The following SGCD variants were observed in gnomAD, a reference collection of about 807,000 sequenced individuals.
The protein encoded by SGCD is delta-sarcoglycan.
A neutral mutation model predicts 36.6 loss-of-function variants in SGCD; 18 were observed. That is an observed-to-expected ratio of 0.49 (90% CI 0.34 to 0.73). The LOEUF is 0.73. Among genes scored for constraint, SGCD ranks in the 30% least tolerant of loss-of-function variants. The pLI, the probability that SGCD is intolerant of heterozygous loss-of-function variation, is 0.01. For missense variants in SGCD, 387 were observed against 346.7 expected, an observed-to-expected ratio of 1.12 and a Z score of -0.92; for synonymous variants, 133 against 130.6, an observed-to-expected ratio of 1.02 and a Z score of -0.12.
chr5:156,141,802 G>C (rs1267264364), intron 3 of SGCD, among the ~76,000 whole-genome samples: 1 of 152,278 alleles, frequency 6.6e-6, no homozygotes, highest in South Asian at 2.1e-4. Context: ...AAGAAAATAG[G>C]AGCTTAAGAC....
At position 156,061,921 on chromosome 5, in the gene SGCD, T is replaced by A. The variant is rs1306161908; in HGVS notation, c.-281-55957T>A. On this transcript the variant is annotated intron_variant, in intron 1 of 9. Coordinates refer to the SGCD transcript ENST00000517913. ...GGTGATAATTCCAGGAGTTTTCACT[T>A]TTTTTTTTTTTTTTTTTTTTTTTAT... Among the ~76,000 whole-genome samples the A allele has an allele frequency of 5.0e-4, 47 of 93,528 alleles. 8 individuals are homozygous for A. The highest frequency in any genetic ancestry group is 3.0e-3 in the African/African-American group (47 of 15,466). The allele number at this position is 93,528 out of a possible 152,430, so 61.4% of individuals were successfully genotyped here.
At chr5:156,411,453 A>G (rs959553098) in intron 3 of SGCD, among the ~76,000 whole-genome samples, 13 of 152,194 alleles carry the variant, frequency 8.5e-5, no homozygotes, top group African/African-American at 3.1e-4. Flanking sequence ...CCCCCAAAGC[A>G]CTGAGAAATT....
At chr5:156,536,176 T>C (rs1758102018) in intron 4 of SGCD, among the ~76,000 whole-genome samples, 1 of 152,172 alleles carries the variant, frequency 6.6e-6, no homozygotes, top group African/African-American at 2.4e-5. Flanking sequence ...AGAAGGATAC[T>C]ATGTGATTTA....
At chr5:156,008,155 G>A (rs577827815) in intron 1 of SGCD, among the ~76,000 whole-genome samples, 176 of 152,250 alleles carry the variant, frequency 1.2e-3, no homozygotes, top group African/African-American at 4.0e-3. Context: ...GAAATTTATT[G>A]TCTCATAGAT....
At chr5:156,456,536 TAAGA>T (rs1157117250) in intron 3 of SGCD, among the ~76,000 whole-genome samples, 2 of 152,178 alleles carry the variant, frequency 1.3e-5, no homozygotes, top group African/African-American at 4.8e-5. Context: ...AAGAGATTTC[TAAGA>T]AAGAGTTTAG....
chr5:156,256,592 C>G (rs530921815), intron 3 of SGCD, among the ~76,000 whole-genome samples: 4 of 152,052 alleles, frequency 2.6e-5, no homozygotes, highest in Non-Finnish European at 5.9e-5. Flanking sequence ...GTTCATTTCC[C>G]GTTCTTAGTA....
rs1409887472 is a variant in SGCD, at chr5:156,220,139, A to G, written c.-44+96120A>G. ...AGAATTCATACGTGCTGGAGCTGTC[A>G]TGGTAATTCAAGGTTTAGGGAAGGA... On this transcript the variant is annotated intron_variant, in intron 3 of 9. Transcript: ENST00000517913. Among the ~76,000 whole-genome samples the G allele has an allele frequency of 7.2e-5, 11 of 152,294 alleles. No individual in the cohort carries two copies. The East Asian group carries it at 2.1e-3, about 29-fold the overall frequency.
intron 3 of SGCD, among the ~76,000 whole-genome samples, chr5:156,236,861 T>C (rs1355778544): frequency 6.6e-6 from 1 of 151,102 alleles, no homozygotes; most frequent in South Asian, 2.1e-4. Context: ...TTTAAGATAG[T>C]CTTGCTCTGT....
intron 6 of SGCD, among the ~76,000 whole-genome samples, chr5:156,600,283 A>G (rs908384554): frequency 6.6e-6 from 1 of 152,124 alleles, no homozygotes; most frequent in African/African-American, 2.4e-5. Flanking sequence ...TGCAACTTTT[A>G]TCCATTAACC....
chr5:156,068,333 T>C (rs1303865191), intron 1 of SGCD, among the ~76,000 whole-genome samples: 1 of 151,574 alleles, frequency 6.6e-6, no homozygotes, highest in African/African-American at 2.4e-5. Flanking sequence ...CCATGTGTTC[T>C]CATTGTTCAA....
rs1179564115 is a variant in SGCD at position 155,982,565 on chromosome 5, G to GCT, written c.-282+112151_-282+112152dup. On this transcript the variant is annotated intron_variant, in intron 1 of 9. Transcript: ENST00000517913. Reference sequence around the variant, plus strand: ...GTCCCTCGCTGCCCTTCCTCAGCCAGCTCTCTCTCTCCAGGTTACTCTTTG... The same window carrying GCT: ...GTCCCTCGCTGCCCTTCCTCAGCCAGCTCTCTCTCTCTCCAGGTTACTCTTTG... Among the ~76,000 whole-genome samples, 5 of 152,188 alleles carry GCT rather than the reference G, an allele frequency of 3.3e-5. No individual in the cohort carries two copies. In the East Asian group the frequency reaches 9.7e-4, roughly 29 times the overall value.
At chr5:156,033,419 C>T (rs1401854784) in intron 1 of SGCD, among the ~76,000 whole-genome samples, 4 of 152,112 alleles carry the variant, frequency 2.6e-5, no homozygotes, top group South Asian at 2.1e-4. Flanking sequence ...TCCCCAGTGT[C>T]TATTGTTTCC....
the SGCD span, among the ~76,000 whole-genome samples, chr5:155,861,112 C>G: frequency 6.6e-6 from 1 of 152,270 alleles, no homozygotes. Flanking sequence ...AACAAATATT[C>G]ACCGAATTCC....
chr5:156,279,073 A>G (rs1766385462), intron 3 of SGCD, among the ~76,000 whole-genome samples: 1 of 152,168 alleles, frequency 6.6e-6, no homozygotes, highest in Non-Finnish European at 1.5e-5. Context: ...AGCCCTCACA[A>G]CAAAGAATTC....
intron 3 of SGCD, among the ~76,000 whole-genome samples, chr5:156,224,198 A>C (rs1389388295): frequency 6.6e-6 from 1 of 151,952 alleles, no homozygotes; most frequent in Non-Finnish European, 1.5e-5. Flanking sequence ...GAGAGCCTTG[A>C]CCATGGTTAC....
At chr5:156,705,245 T>C (rs1217539893) in intron 7 of SGCD, among the ~76,000 whole-genome samples, 1 of 152,214 alleles carries the variant, frequency 6.6e-6, no homozygotes, top group Non-Finnish European at 1.5e-5. Context: ...AGAAATTCAC[T>C]TGTGATAATA....
upstream of SGCD, among the ~76,000 whole-genome samples, chr5:155,866,095 A>G (rs761477726): frequency 6.6e-6 from 1 of 152,210 alleles, no homozygotes; most frequent in Non-Finnish European, 1.5e-5. Context: ...CAGCAGAAGT[A>G]CTTTATGTAT....
chr5:155,737,002 C>A, the SGCD span, among the ~76,000 whole-genome samples: 1 of 152,218 alleles, frequency 6.6e-6, no homozygotes, highest in Non-Finnish European at 1.5e-5. Flanking sequence ...ATTCACGTCT[C>A]TAAGTGGGAT....
intron 1 of SGCD, among the ~76,000 whole-genome samples, chr5:155,981,578 G>A (rs940560654): frequency 6.6e-6 from 1 of 152,136 alleles, no homozygotes; most frequent in Non-Finnish European, 1.5e-5. Context: ...TACTCCAAGT[G>A]GTTGCCCTTT....
Sources: gnomAD v4.1 joint callset for allele counts (sites outside exome capture counted in the v4.1 genomes callset) on GRCh38, gnomAD v4.1.1 for gene constraint, MANE v1.5 for transcripts, NCBI Gene and HGNC (gene_info 2026-07-23, HGNC 2026-07-21) for gene names.